TIGAR: variants seen among roughly 807,000 people sequenced by gnomAD.
TIGAR encodes the protein TP53 induced glycolysis regulatory phosphatase.
Under a neutral mutation model 17.9 loss-of-function variants are expected in TIGAR, and 7 were observed. That is an observed-to-expected ratio of 0.39 (90% CI 0.22 to 0.73). The LOEUF is 0.73. TIGAR is among the 30% of genes least tolerant of loss of function. The pLI, the probability that TIGAR is intolerant of heterozygous loss-of-function variation, is 0.42. For missense variants in TIGAR, 258 were observed against 327.4 expected (o/e 0.79, Z 1.64); for synonymous variants, 94 against 108.6 (o/e 0.87, Z 0.84).
At chr12:4,325,043 A>G (rs757133351) in intron 1 of TIGAR, among the ~76,000 whole-genome samples, 15 of 151,538 alleles carry the variant, frequency 9.9e-5, no homozygotes, top group African/African-American at 2.7e-4. Context: ...CCCGGGTTCA[A>G]GCGATTCTCC....
At chr12:4,324,993 A>G (rs1591658400) in intron 1 of TIGAR, among the ~76,000 whole-genome samples, 1 of 138,328 alleles carries the variant, frequency 7.2e-6, no homozygotes, top group African/African-American at 2.7e-5. Context: ...CCCAGGTTGG[A>G]GTGCAATGGC....
intron 3 of TIGAR, among the ~76,000 whole-genome samples, chr12:4,347,788 T>C (rs1219254848): frequency 6.6e-6 from 1 of 152,202 alleles, no homozygotes; most frequent in South Asian, 2.1e-4. Context: ...AAGTGATCAT[T>C]ATAGATAAAT....
intron 3 of TIGAR, among the ~76,000 whole-genome samples, chr12:4,338,197 T>A (rs780122332): frequency 3.9e-5 from 6 of 152,214 alleles, no homozygotes; most frequent in Non-Finnish European, 8.8e-5. Flanking sequence ...AGGAGAGTTT[T>A]GTGACCAACT....
intron 2 of TIGAR, among the ~76,000 whole-genome samples, chr12:4,335,930 G>C (rs1362417642): frequency 1.3e-5 from 2 of 152,068 alleles, no homozygotes; most frequent in Non-Finnish European, 2.9e-5. Flanking sequence ...AGATCTATTT[G>C]GTTATTTTAG....
intron 1 of TIGAR, among the ~76,000 whole-genome samples, chr12:4,328,578 A>AT (rs1383839257): frequency 0.056 from 7,671 of 137,094 alleles, 498 homozygotes; most frequent in East Asian, 0.33. Flanking sequence ...AGTTCCATGT[A>AT]TTTTTTTTTT....
intron 1 of TIGAR, among the ~76,000 whole-genome samples, chr12:4,328,657 A>G (rs1257065023): frequency 2.0e-5 from 3 of 150,226 alleles, no homozygotes; most frequent in African/African-American, 7.4e-5. Context: ...GCTCACTGCA[A>G]CCTCCACCTC....
Position 4,343,073 on chromosome 12 carries a change from C to T in TIGAR, c.192+5913C>T, listed in dbSNP as rs566981931. Among the ~76,000 whole-genome samples the T allele has an allele frequency of 5.3e-5, 8 of 152,212 alleles. No homozygotes were observed. In the South Asian group the frequency reaches 1.7e-3, roughly 32 times the overall value. ...CAAGCAAATGGAAAACAAAAAAAGG[C>T]AGGGGTTGCAGTTCTAGTCTCTGAT... On this transcript the variant is annotated intron_variant, in intron 3 of 5. Transcript: ENST00000179259.
At chr12:4,343,887 A>G (rs1166440417) in intron 3 of TIGAR, among the ~76,000 whole-genome samples, 1 of 152,244 alleles carries the variant, frequency 6.6e-6, no homozygotes, top group Non-Finnish European at 1.5e-5. Context: ...ATCAGAGCAG[A>G]ACTGGAGGAG....
At chr12:4,335,724 A>G (rs1864650674) in intron 2 of TIGAR, 2 of 152,252 alleles carry the variant, frequency 1.3e-5, no homozygotes, top group African/African-American at 4.8e-5. Context: ...AAGACAAGGC[A>G]TCGTTAGGAG....
intron 1 of TIGAR, chr12:4,324,260 T>C: frequency 1.6e-6 from 1 of 630,134 alleles, no homozygotes; most frequent in South Asian, 1.9e-5. Context: ...CTGAAGGGTC[T>C]GGTTCCTTGG....
rs1371418878 is a variant in TIGAR, at chr12:4,321,216, C to A, written c.-56C>A. 1.3e-6 allele frequency: 2 copies of A among 1,597,468 alleles called. No individual in the cohort carries two copies. Among genetic ancestry groups the A allele is most frequent in the Admixed American group, 1.7e-5 (1 of 59,888 alleles). On this transcript the variant is annotated 5_prime_UTR_variant, in exon 1 of 6. Transcript: ENST00000179259. The surrounding 1 kb of genome is among the most constrained non-coding windows in gnomAD (Gnocchi z 5.2). ...GCGGAAGTGGTGTGGGGGAGGTAGC[C>A]CGCAGTGCAGGGGCAGCGCGGCGCG...
chr12:4,331,300 A>T lies in TIGAR; in HGVS notation c.53A>T (p.Lys18Met). ...TTTAGTGGAGAAACAAGATTTAACA[A>T]GGAGAAAATAATCCAAGGTTGGTAT... ...VVRHGETRFN[K>M]EKIIQGQGVD... The change falls in exon 2 of 6, where the codon AAG becomes ATG. Residue 18 changes from lysine (K) to methionine (M), a missense_variant. By Grantham distance (95) the Lys-to-Met change is moderately conservative. Transcript: ENST00000179259. The T allele has an allele frequency of 6.2e-7, 1 of 1,610,096 alleles. No individual in the cohort carries two copies. The highest frequency in any genetic ancestry group is 8.5e-7 in the Non-Finnish European group (1 of 1,176,352).
At chr12:4,322,771 G>A (rs932937444) in intron 1 of TIGAR, among the ~76,000 whole-genome samples, 2 of 152,042 alleles carry the variant, frequency 1.3e-5, no homozygotes, top group African/African-American at 4.8e-5. Context: ...GGATTTTAAT[G>A]GCTACCTTAG....
At position 4,356,128 on chromosome 12, in the gene TIGAR, G is replaced by T. The variant is rs762217911; in HGVS notation, c.*3437G>T. Among the ~76,000 whole-genome samples the T allele has an allele frequency of 6.6e-6, 1 of 152,180 alleles. No individual in the cohort carries two copies. Among genetic ancestry groups the T allele is most frequent in the Non-Finnish European group, 1.5e-5 (1 of 68,024 alleles). On this transcript the variant is annotated 3_prime_UTR_variant, in exon 6 of 6. Transcript: ENST00000179259. ...CAATGTGGAGAGCAGGCTGTAGGGG[G>T]TGCTATAGGAGCACAAGGTTGGAGG...
At chr12:4,352,184 CAGTT>C in intron 5 of TIGAR, 72 bp from the exon 6 acceptor site, 5 of 1,281,126 alleles carry the variant, frequency 3.9e-6, no homozygotes, top group Non-Finnish European at 5.3e-6. Flanking sequence ...AAAATCCAGT[CAGTT>C]ATGTTCTATG....
At chr12:4,342,720 A>G (rs541164979) in intron 3 of TIGAR, among the ~76,000 whole-genome samples, 176 of 152,356 alleles carry the variant, frequency 1.2e-3, no homozygotes, top group African/African-American at 3.9e-3. Context: ...CTGCCCTAAA[A>G]GAGCTCCTGA....
At chr12:4,346,568 A>T (rs1251944286) in intron 3 of TIGAR, among the ~76,000 whole-genome samples, 2 of 151,990 alleles carry the variant, frequency 1.3e-5, no homozygotes, top group Non-Finnish European at 2.9e-5. Flanking sequence ...GAACACTTGG[A>T]CACAGGAAGG....
chr12:4,331,224 C>T lies in TIGAR; in HGVS notation c.33-56C>T, dbSNP rs530101263. On this transcript the variant is annotated intron_variant, in intron 1 of 5. Transcript: ENST00000179259. Reference sequence around the variant, plus strand: ...ACACTTGATTGCTCATTTTTTTCCTCCTCTCAAAAACAGTATAATTTGGCT... The same window carrying T: ...ACACTTGATTGCTCATTTTTTTCCTTCTCTCAAAAACAGTATAATTTGGCT... 5.4e-6 allele frequency: 8 copies of T among 1,485,982 alleles called. No homozygotes were observed. In the East Asian group the frequency reaches 9.0e-5, roughly 17 times the overall value. 92.0% of individuals were successfully genotyped at this position (1,485,982 alleles called of 1,614,324 possible).
rs1415844257 is a variant in TIGAR at position 4,324,694 on chromosome 12, G to T, written c.32+3391G>T. The stretch of plus-strand genomic sequence containing the variant: ...CGGGTTCACTTGCGGCCGCTGGCAC[G>T]CACTGTACAGCTGCGTCAGCTGCTC... On this transcript the variant is annotated intron_variant, in intron 1 of 5. Coordinates refer to ENST00000179259, the MANE Select transcript of TIGAR (RefSeq NM_020375.3). 7 of 913,640 alleles carry T rather than the reference G, an allele frequency of 7.7e-6. No individual in the cohort carries two copies. The East Asian group carries it at 7.9e-5, about 10-fold the overall frequency. 56.6% of individuals were successfully genotyped at this position (913,640 alleles called of 1,614,324 possible).
Sources: gnomAD v4.1 joint callset for allele counts (sites outside exome capture counted in the v4.1 genomes callset) on GRCh38, gnomAD v4.1.1 for gene constraint, Gnocchi (gnomAD v3.1) non-coding constraint, MANE v1.5 for transcripts, NCBI Gene and HGNC (gene_info 2026-07-23, HGNC 2026-07-21) for gene names.